Variants in MAGI2 observed in about 807,000 individuals in gnomAD.
MAGI2 encodes the protein membrane-associated guanylate kinase, WW and PDZ domain-containing protein 2.
Under a neutral mutation model 133.3 loss-of-function variants are expected in MAGI2, and 35 were observed. The ratio of observed to expected loss-of-function variants is 0.26; its 90% CI spans 0.20 to 0.35. The LOEUF is 0.35. MAGI2 is among the 10% of genes least tolerant of loss of function. The pLI is 1.00. For missense variants in MAGI2, 1,636 were observed against 1,863.4 expected, an observed-to-expected ratio of 0.88 and a Z score of 2.25; for synonymous variants, 729 against 710.6, an observed-to-expected ratio of 1.03 and a Z score of -0.41.
intron 6 of MAGI2, among the ~76,000 whole-genome samples, chr7:78,395,124 C>A (rs35201850): frequency 0.21 from 32,624 of 152,092 alleles, 3,932 homozygotes; most frequent in East Asian, 0.44. Context: ...AGAAAGCTGT[C>A]TTGTCTTTCC....
At chr7:78,988,892 TAGAC>T (rs1294931362) in intron 2 of MAGI2, among the ~76,000 whole-genome samples, 3 of 152,200 alleles carry the variant, frequency 2.0e-5, no homozygotes, top group Non-Finnish European at 2.9e-5. Flanking sequence ...AAGGCCAAGA[TAGAC>T]AGATGATGAC....
chr7:79,151,084 C>T (rs1435381052), intron 1 of MAGI2, among the ~76,000 whole-genome samples: 1 of 151,998 alleles, frequency 6.6e-6, no homozygotes, highest in African/African-American at 2.4e-5. Flanking sequence ...CTCAGTGCTG[C>T]TTCTGTTATT....
rs1366542221 is a variant in MAGI2 at position 78,715,191 on chromosome 7, G to A, written c.419-87952C>T. On this transcript the variant is annotated intron_variant, in intron 2 of 21. Coordinates refer to ENST00000354212, the MANE Select transcript of MAGI2 (RefSeq NM_012301.4). ...GAGATTGGGAGAATGTGGGAGGGAA[G>A]GATCTATTTTTCTTCGGTTCCAGTA... is the stretch of plus-strand genomic sequence containing the variant. Among the ~76,000 whole-genome samples the A allele has an allele frequency of 3.3e-5, 5 of 151,988 alleles. No homozygotes were observed. The South Asian group carries it at 1.0e-3, about 32-fold the overall frequency.
chr7:79,284,670 T>A (rs1347201769), intron 1 of MAGI2, among the ~76,000 whole-genome samples: 1 of 152,108 alleles, frequency 6.6e-6, no homozygotes, highest in Admixed American at 6.6e-5. Context: ...TTTAAGAAGA[T>A]CAATAGTTTC....
chr7:78,237,215 C>G (rs893953855), intron 10 of MAGI2, among the ~76,000 whole-genome samples: 9 of 152,108 alleles, frequency 5.9e-5, no homozygotes, highest in Admixed American at 4.6e-4. Context: ...TTAAATAAAA[C>G]AAATAGATAT....
At chr7:78,087,046 C>A (rs1816721708) in intron 20 of MAGI2, among the ~76,000 whole-genome samples, 1 of 152,124 alleles carries the variant, frequency 6.6e-6, no homozygotes, top group Non-Finnish European at 1.5e-5. Context: ...AAAGGGAAAT[C>A]CTACTTATCT....
intron 1 of MAGI2, among the ~76,000 whole-genome samples, chr7:79,181,076 GAGT>G (rs1826576181): frequency 6.6e-6 from 1 of 151,920 alleles, no homozygotes; most frequent in Admixed American, 6.5e-5. Flanking sequence ...GTCTGGCATT[GAGT>G]ATCTGCAGCT....
At chr7:78,629,356 A>G (rs1183475962) in intron 2 of MAGI2, among the ~76,000 whole-genome samples, 1 of 152,120 alleles carries the variant, frequency 6.6e-6, no homozygotes. Flanking sequence ...ACAATCTCAA[A>G]TGCTGCAACC....
intron 10 of MAGI2, among the ~76,000 whole-genome samples, chr7:78,244,790 TAAGTC>T (rs1791581288): frequency 6.6e-6 from 1 of 151,784 alleles, no homozygotes; most frequent in African/African-American, 2.4e-5. Flanking sequence ...ATCATAGTGA[TAAGTC>T]AAAGGAGAAA....
At chr7:78,391,981 G>T (rs539689708) in intron 6 of MAGI2, among the ~76,000 whole-genome samples, 1 of 152,284 alleles carries the variant, frequency 6.6e-6, no homozygotes, top group South Asian at 2.1e-4. Flanking sequence ...TCAATTCCTT[G>T]TAAGCAGGTA....
chr7:78,473,480 T>A (rs985193019), intron 6 of MAGI2, among the ~76,000 whole-genome samples: 1 of 152,108 alleles, frequency 6.6e-6, no homozygotes, highest in Non-Finnish European at 1.5e-5. Context: ...AAAAATCTAC[T>A]GTTCTCTCCC....
intron 2 of MAGI2, among the ~76,000 whole-genome samples, chr7:78,986,625 G>T (rs534467484): frequency 1.5e-4 from 23 of 151,858 alleles, no homozygotes; most frequent in Non-Finnish European, 3.1e-4. Context: ...GGCTTCAAGT[G>T]ATCCTCCTGC....
chr7:79,010,660 T>A (rs529128067), intron 1 of MAGI2, among the ~76,000 whole-genome samples: 132 of 152,298 alleles, frequency 8.7e-4, no homozygotes, highest in African/African-American at 3.0e-3. Flanking sequence ...AGCAGAGCAC[T>A]GGCAACATTA....
At chr7:78,300,329 A>T (rs1797719929) in intron 9 of MAGI2, among the ~76,000 whole-genome samples, 1 of 152,134 alleles carries the variant, frequency 6.6e-6, no homozygotes, top group Non-Finnish European at 1.5e-5. Flanking sequence ...TAATCCTCTG[A>T]TTTTATGCAT....
At chr7:78,996,233 A>G (rs12666853) in intron 2 of MAGI2, among the ~76,000 whole-genome samples, 5 of 151,938 alleles carry the variant, frequency 3.3e-5, no homozygotes, top group African/African-American at 1.2e-4. Context: ...AGTGTCAACA[A>G]ATTAAAAAGA....
At chr7:78,766,099 A>C (rs1178570745) in intron 2 of MAGI2, among the ~76,000 whole-genome samples, 1 of 152,216 alleles carries the variant, frequency 6.6e-6, no homozygotes, top group Non-Finnish European at 1.5e-5. Flanking sequence ...CTTTGAGTGA[A>C]ATAACCCAGA....
At position 78,822,972 on chromosome 7, in the gene MAGI2, A is replaced by G. The variant is rs1282128577; in HGVS notation, c.418+184118T>C. ...AGTATAAAATATTTTTACTGTTTGA[A>G]TAACTTACTGAAGAGCCATGAACAA... On this transcript the variant is annotated intron_variant, in intron 2 of 21. Coordinates refer to ENST00000354212, the MANE Select transcript of MAGI2 (RefSeq NM_012301.4). Among the ~76,000 whole-genome samples the G allele has an allele frequency of 3.3e-5, 5 of 152,248 alleles. No individual in the cohort carries two copies. In the South Asian group the frequency reaches 1.0e-3, roughly 31 times the overall value.
chr7:78,780,511 A>C (rs563009516), intron 2 of MAGI2, among the ~76,000 whole-genome samples: 2 of 152,366 alleles, frequency 1.3e-5, no homozygotes, highest in African/African-American at 2.4e-5. Flanking sequence ...CAAATTAGGC[A>C]GATTACTAGT....
intron 1 of MAGI2, among the ~76,000 whole-genome samples, chr7:79,253,127 A>G (rs1231465592): frequency 6.6e-6 from 1 of 152,248 alleles, no homozygotes; most frequent in Non-Finnish European, 1.5e-5. Flanking sequence ...AGTGAAGCAT[A>G]CAATTCGTAC....
Sources: allele counts gnomAD v4.1 joint callset (sites outside exome capture counted in the v4.1 genomes callset), GRCh38; gene constraint gnomAD v4.1.1; transcripts MANE v1.5; gene names NCBI Gene and HGNC (gene_info 2026-07-23, HGNC 2026-07-21).